Variants in GHRHR observed in about 807,000 individuals in gnomAD.
GHRHR encodes growth hormone-releasing hormone receptor.
GHRHR carries 40 observed loss-of-function variants against 58.3 expected under a neutral mutation model. That is an observed-to-expected ratio of 0.69 (90% confidence interval 0.53 to 0.89). The LOEUF is 0.89. Ranked by LOEUF, GHRHR falls within the 40% of genes least tolerant of loss-of-function variation. The probability of loss-of-function intolerance (pLI) is 0.00; values close to 1 mark genes in which losing one functional copy is unlikely to be tolerated. For synonymous variants in GHRHR, 249 were observed against 216.6 expected, an observed-to-expected ratio of 1.15 and a Z score of -1.31; for missense variants, 551 against 541.3, an observed-to-expected ratio of 1.02 and a Z score of -0.18.
intron 4 of GHRHR, 36 bp downstream of exon 4, chr7:30,970,000 C>A: frequency 1.1e-6 from 1 of 881,054 alleles, no homozygotes; most frequent in Non-Finnish European, 2.0e-6. Flanking sequence ...GAAGGACTGC[C>A]ATGGACATTT....
Position 30,969,930 on chromosome 7 carries a change from C to T in GHRHR, c.332C>T (p.Ala111Val). Residue 111 changes from alanine (A) to valine (V), a missense_variant, in exon 4 of 13, where the codon GCC (alanine) becomes GTC (valine). Physicochemically the swap from Ala to Val is moderately conservative, Grantham distance 64. Coordinates refer to ENST00000326139, the MANE Select transcript of GHRHR (RefSeq NM_000823.4). ...WSEPFPPYPVACPVPLELLAE... is the reference protein window; with the variant it reads ...WSEPFPPYPVVCPVPLELLAE... Reference sequence around the variant, plus strand: ...GAGCCCTTTCCACCTTACCCTGTGGCCTGCCCTGTGCCTCTGGAGCTGCTG... The same window carrying T: ...GAGCCCTTTCCACCTTACCCTGTGGTCTGCCCTGTGCCTCTGGAGCTGCTG... 1 of 1,507,004 alleles carries T rather than the reference C, an allele frequency of 6.6e-7. No homozygotes were observed. The highest frequency in any genetic ancestry group is 9.2e-7 in the Non-Finnish European group (1 of 1,081,862). The allele number at this position is 1,507,004 out of a possible 1,614,324, so 93.4% of individuals were successfully genotyped here.
rs750488020 is a variant in GHRHR, at chr7:30,976,468, T to A, written c.1014T>A (p.Phe338Leu). Residue 338 changes from phenylalanine (F) to leucine (L), a missense_variant, in exon 11 of 13, where the codon TTT (phenylalanine) becomes TTA (leucine). Transcript: ENST00000326139. Reference protein sequence around the residue: ...SKSTLFLIPLFGIHYIIFNFL... With the variant: ...SKSTLFLIPLLGIHYIIFNFL... Reference sequence around the variant, plus strand: ...CGACACTTTTCCTGATCCCACTCTTTGGAATTCACTACATCATCTTCAACT... The same window carrying A: ...CGACACTTTTCCTGATCCCACTCTTAGGAATTCACTACATCATCTTCAACT... 1.2e-6 allele frequency: 2 copies of A among 1,613,398 alleles called. No individual in the cohort carries two copies. Among genetic ancestry groups the A allele is most frequent in the Non-Finnish European group, 1.7e-6 (2 of 1,179,392 alleles).
intron 1 of GHRHR, among the ~76,000 whole-genome samples, 194 bp from the exon 2 acceptor site, chr7:30,968,640 C>CCCTGCCTTCCTTCCTT (rs1554292748): frequency 1.2e-5 from 1 of 81,862 alleles, no homozygotes; most frequent in East Asian, 2.5e-4. Flanking sequence ...CTCCCTCCCT[C>CCCTGCCTTCCTTCCTT]CCTTCCTTCC....
intron 6 of GHRHR, among the ~76,000 whole-genome samples, chr7:30,973,005 A>G (rs555074549): frequency 6.6e-6 from 1 of 152,200 alleles, no homozygotes; most frequent in Non-Finnish European, 1.5e-5. Context: ...GTGTCCCCCA[A>G]ACTTAACTAT....
intron 6 of GHRHR, among the ~76,000 whole-genome samples, chr7:30,973,387 A>T (rs986549780): frequency 6.6e-6 from 1 of 152,210 alleles, no homozygotes; most frequent in Non-Finnish European, 1.5e-5. Flanking sequence ...CTTGAAGAAG[A>T]AAGCATCACT....
chr7:30,968,410 A>G (rs1407305405), intron 1 of GHRHR, among the ~76,000 whole-genome samples: 1 of 152,100 alleles, frequency 6.6e-6, no homozygotes, highest in Non-Finnish European at 1.5e-5. Flanking sequence ...GTGTCTCAGA[A>G]CTTACTTACA....
chr7:30,974,598 T>G, intron 8 of GHRHR, 109 bp downstream of exon 8: 1 of 834,396 alleles, frequency 1.2e-6, no homozygotes. Flanking sequence ...GAGAAGGGAC[T>G]GCCCGGCTAG....
chr7:30,975,331 C>T (rs1050216687), intron 9 of GHRHR, among the ~76,000 whole-genome samples: 1 of 152,170 alleles, frequency 6.6e-6, no homozygotes, highest in Non-Finnish European at 1.5e-5. Flanking sequence ...CTAGGGGTGC[C>T]GGGTGGGGGC....
intron 1 of GHRHR, among the ~76,000 whole-genome samples, chr7:30,966,867 C>T (rs1792367726): frequency 6.6e-6 from 1 of 152,170 alleles, no homozygotes; most frequent in Non-Finnish European, 1.5e-5. Context: ...GTGTTTAACT[C>T]CTGACGTCAG....
At chr7:30,976,618 G>A in intron 11 of GHRHR, 60 bp downstream of exon 11, 1 of 1,491,390 alleles carries the variant, frequency 6.7e-7, no homozygotes, top group Non-Finnish European at 9.3e-7. Context: ...AGGTGCTGTT[G>A]CCCACGGGCC....
chr7:30,971,577 C>A (rs952590278), intron 5 of GHRHR, among the ~76,000 whole-genome samples: 3 of 151,954 alleles, frequency 2.0e-5, no homozygotes, highest in Non-Finnish European at 4.4e-5. Context: ...CCTTTAAGAC[C>A]CCACCCCCTC....
chr7:30,971,979 C>T lies in GHRHR; in HGVS notation c.481C>T (p.Arg161Trp), dbSNP rs758798716. Reference protein sequence around the residue: ...LVALRRLHCPRNYVHTQLFTT... With the variant: ...LVALRRLHCPWNYVHTQLFTT... ...TACCCCCAGGAGGCTCCACTGCCCCCGGAACTACGTCCACACCCAGCTGTT... is the reference window on the plus strand; with the variant it reads ...TACCCCCAGGAGGCTCCACTGCCCCTGGAACTACGTCCACACCCAGCTGTT... The change falls in exon 6 of 13, where the codon CGG (arginine) becomes TGG (tryptophan). Residue 161 changes from arginine to tryptophan, a missense_variant. Arg to Trp is a moderately radical substitution (Grantham distance 101). Transcript: ENST00000326139. 3.3e-5 allele frequency: 54 copies of T among 1,613,920 alleles called. No individual in the cohort carries two copies. Among genetic ancestry groups the T allele is most frequent in the South Asian group, 7.7e-5 (7 of 91,078 alleles).
chr7:30,966,611 C>T (rs1381022252), intron 1 of GHRHR, among the ~76,000 whole-genome samples: 1 of 151,784 alleles, frequency 6.6e-6, no homozygotes, highest in African/African-American at 2.4e-5. Context: ...GAGGGACATT[C>T]CCTCCCATGG....
intron 7 of GHRHR, 49 bp downstream of exon 7, chr7:30,974,187 A>G (rs751734059): frequency 6.3e-7 from 1 of 1,590,302 alleles, no homozygotes; most frequent in Non-Finnish European, 8.6e-7. Context: ...AAGGGCTGGA[A>G]AGGCCCAGGG....
rs754940976 is a variant in GHRHR at position 30,974,520 on chromosome 7, G to A, written c.812+31G>A. 2.1e-5 allele frequency: 32 copies of A among 1,507,558 alleles called. No individual in the cohort carries two copies. The South Asian group carries it at 2.6e-4, about 12-fold the overall frequency. 93.4% of individuals were successfully genotyped at this position (1,507,558 alleles called of 1,614,324 possible). Reference sequence around the variant, plus strand: ...TCGGAGCGGCCACCTTGTCATACCCGCTGGTCCTACATGGGGTGTGGAGTG... The same window carrying A: ...TCGGAGCGGCCACCTTGTCATACCCACTGGTCCTACATGGGGTGTGGAGTG... On this transcript the variant is annotated intron_variant, in intron 8 of 12. Coordinates refer to ENST00000326139, the MANE Select transcript of GHRHR (RefSeq NM_000823.4).
Position 30,973,967 on chromosome 7 carries a change from C to G in GHRHR, c.598-18C>G, listed in dbSNP as rs750996685. 4 of 1,612,602 alleles carry G rather than the reference C, an allele frequency of 2.5e-6. No homozygotes were observed. The highest frequency in any genetic ancestry group is 2.5e-6 in the Non-Finnish European group (3 of 1,179,728). On this transcript the variant is annotated intron_variant, in intron 6 of 12. Transcript: ENST00000326139. ...AGTGGGTGTCCCAGCTCTGAAGCAC[C>G]CAGGTCCTGGCCCCCAGGTTCTATG...
intron 1 of GHRHR, among the ~76,000 whole-genome samples, chr7:30,964,618 C>A (rs1373994331): frequency 6.6e-6 from 1 of 152,164 alleles, no homozygotes; most frequent in Non-Finnish European, 1.5e-5. Flanking sequence ...TTGGTGGTTT[C>A]CTTTGAAGAG....
chr7:30,973,789 G>T (rs767839681), intron 6 of GHRHR, among the ~76,000 whole-genome samples, 196 bp from the exon 7 acceptor site: 12 of 152,154 alleles, frequency 7.9e-5, no homozygotes, highest in African/African-American at 1.2e-4. Flanking sequence ...TAGAAGCCAG[G>T]CTGTCTAGAT....
At chr7:30,969,025 C>G (rs1456502768) in intron 2 of GHRHR, 38 bp from the exon 3 acceptor site, 4 of 1,553,406 alleles carry the variant, frequency 2.6e-6, no homozygotes, top group East Asian at 4.6e-5. Flanking sequence ...AGCCCTGCAC[C>G]TGGGCTGAGT....
Sources: gnomAD v4.1 joint callset for allele counts (sites outside exome capture counted in the v4.1 genomes callset) on GRCh38, gnomAD v4.1.1 for gene constraint, MANE v1.5 for transcripts, NCBI Gene and HGNC (gene_info 2026-07-23, HGNC 2026-07-21) for gene names.